Variants in PCCA observed in about 807,000 individuals in gnomAD.
PCCA encodes the protein propionyl-CoA carboxylase subunit alpha, also known as propionyl-CoA carboxylase alpha chain, mitochondrial.
A neutral mutation model predicts 101.3 loss-of-function variants in PCCA; 74 were observed. The ratio of observed to expected loss-of-function variants is 0.73; its 90% CI spans 0.61 to 0.89. The LOEUF (loss-of-function observed/expected upper bound fraction) is 0.89. Ranked by LOEUF, PCCA falls within the 40% of genes least tolerant of loss-of-function variation. The pLI, the probability that PCCA is intolerant of heterozygous loss-of-function variation, is 0.00. For missense variants in PCCA, 891 were observed against 907.0 expected (o/e 0.98, Z 0.23); for synonymous variants, 294 against 313.6 (o/e 0.94, Z 0.66).
intron 4 of PCCA, among the ~76,000 whole-genome samples, chr13:100,123,368 T>C (rs538231207): frequency 6.6e-6 from 1 of 152,290 alleles, no homozygotes; most frequent in African/African-American, 2.4e-5. Context: ...AATAACTCTT[T>C]AGAAACAGAA....
At chr13:100,526,508 C>CG (rs535924056) in intron 22 of PCCA, among the ~76,000 whole-genome samples, 5 of 152,162 alleles carry the variant, frequency 3.3e-5, no homozygotes, top group African/African-American at 4.8e-5. Flanking sequence ...TTGCGCCACA[C>CG]GGGGGGGCCA....
At chr13:100,498,263 T>G (rs1329046898) in intron 21 of PCCA, among the ~76,000 whole-genome samples, 2 of 152,032 alleles carry the variant, frequency 1.3e-5, no homozygotes, top group Non-Finnish European at 2.9e-5. Flanking sequence ...TTACCGATTT[T>G]TTTTTATTTT....
intron 22 of PCCA, among the ~76,000 whole-genome samples, chr13:100,520,852 C>T (rs951478700): frequency 6.6e-6 from 1 of 152,044 alleles, no homozygotes; most frequent in Non-Finnish European, 1.5e-5. Flanking sequence ...CCAAGCTTGG[C>T]GTTTGATTTT....
intron 4 of PCCA, among the ~76,000 whole-genome samples, chr13:100,136,375 G>A (rs916650015): frequency 6.6e-6 from 1 of 151,670 alleles, no homozygotes; most frequent in African/African-American, 2.4e-5. Context: ...TAGTAGAGGT[G>A]GGGTTTCTCC....
chr13:100,290,090 A>G (rs1397015942), intron 12 of PCCA, among the ~76,000 whole-genome samples: 1 of 152,232 alleles, frequency 6.6e-6, no homozygotes, highest in Non-Finnish European at 1.5e-5. Flanking sequence ...TTTCAGGAGC[A>G]TATGAATTTC....
chr13:100,349,065 C>T (rs1453286550), intron 18 of PCCA, among the ~76,000 whole-genome samples: 1 of 152,114 alleles, frequency 6.6e-6, no homozygotes, highest in Non-Finnish European at 1.5e-5. Flanking sequence ...GCCTCAGCCT[C>T]CCAAGTAGCT....
chr13:100,474,445 T>C (rs1167173320), intron 21 of PCCA, among the ~76,000 whole-genome samples: 1 of 66,768 alleles, frequency 1.5e-5, no homozygotes, highest in African/African-American at 5.1e-5. Flanking sequence ...ACTGTTTCTC[T>C]CTCTCTCTCT....
At chr13:100,288,516 C>G (rs1379692910) in intron 12 of PCCA, among the ~76,000 whole-genome samples, 1 of 152,194 alleles carries the variant, frequency 6.6e-6, no homozygotes, top group South Asian at 2.1e-4. Context: ...AGGCTAGTCT[C>G]TAACTCTTGG....
At chr13:100,222,641 G>GT (rs2059891742) in intron 7 of PCCA, among the ~76,000 whole-genome samples, 1 of 152,150 alleles carries the variant, frequency 6.6e-6, no homozygotes, top group African/African-American at 2.4e-5. Context: ...TTTAGCAACA[G>GT]TTTTTCATTG....
chr13:100,102,590 G>T (rs2047373429), intron 1 of PCCA, among the ~76,000 whole-genome samples: 1 of 152,140 alleles, frequency 6.6e-6, no homozygotes, highest in Non-Finnish European at 1.5e-5. Context: ...TTCTGACCCT[G>T]CTCTATCCTT....
chr13:100,283,342 T>A (rs1249155673), intron 12 of PCCA, among the ~76,000 whole-genome samples: 2 of 152,032 alleles, frequency 1.3e-5, no homozygotes, highest in East Asian at 3.9e-4. Flanking sequence ...TTGACTCAGA[T>A]CATGGGGACT....
In PCCA at chr13:100,512,637, G is replaced by A. The variant is rs996486167; in HGVS notation, c.1900-2790G>A. Among the ~76,000 whole-genome samples the A allele has an allele frequency of 3.9e-5, 6 of 152,228 alleles. No individual in the cohort carries two copies. The East Asian group carries it at 1.2e-3, about 29-fold the overall frequency. ...CCACAGGCAGCTGCCTGTCACCCAC[G>A]CTGGCATGTTCCCTCATCCTACCCA... On this transcript the variant is annotated intron_variant, in intron 21 of 23. Transcript: ENST00000376285.
chr13:100,330,630 G>T lies in PCCA; in HGVS notation c.1499G>T (p.Ser500Ile), dbSNP rs772196822. 2 of 1,612,184 alleles carry T rather than the reference G, an allele frequency of 1.2e-6. No individual in the cohort carries two copies. Among genetic ancestry groups the T allele is most frequent in the South Asian group, 2.2e-5 (2 of 91,050 alleles). Residue 500 changes from serine (S) to isoleucine (I), a missense_variant, in exon 17 of 24, where the codon AGC (serine) becomes ATC (isoleucine). By Grantham distance (142) the Ser-to-Ile change is moderately radical. Coordinates refer to ENST00000376285, the MANE Select transcript of PCCA (RefSeq NM_000282.4). ...INSRFVKGDI[S>I]TKFLSDVYPD... The stretch of plus-strand genomic sequence containing the variant: ...TCACGCTTTGTAAAAGGAGACATCA[G>T]CACTAAATTTCTCTCCGATGTGTAT...
chr13:100,506,184 C>T (rs1431032089), intron 21 of PCCA, among the ~76,000 whole-genome samples: 2 of 152,038 alleles, frequency 1.3e-5, no homozygotes, highest in Non-Finnish European at 2.9e-5. Flanking sequence ...CCCTGTCTCC[C>T]GATTTCTCCC....
chr13:100,427,369 A>G (rs1308594004), intron 20 of PCCA, among the ~76,000 whole-genome samples: 2 of 152,270 alleles, frequency 1.3e-5, no homozygotes, highest in Non-Finnish European at 2.9e-5. Flanking sequence ...AGAAAGAGGT[A>G]CAAACTCCTA....
chr13:100,441,326 C>T (rs1265527232), intron 20 of PCCA, among the ~76,000 whole-genome samples: 1 of 152,126 alleles, frequency 6.6e-6, no homozygotes, highest in East Asian at 1.9e-4. Flanking sequence ...AACATATTAC[C>T]AAGTTGGAAA....
intron 7 of PCCA, among the ~76,000 whole-genome samples, chr13:100,213,934 T>C (rs112224055): frequency 3.3e-5 from 5 of 152,346 alleles, no homozygotes; most frequent in African/African-American, 1.2e-4. Context: ...GGTCTAGTTT[T>C]GTTCTTCTGC....
intron 9 of PCCA, among the ~76,000 whole-genome samples, chr13:100,260,553 C>A (rs565253601): frequency 4.6e-5 from 7 of 151,932 alleles, no homozygotes; most frequent in African/African-American, 1.7e-4. Context: ...CACACTGCCA[C>A]GCCTGGCTAA....
chr13:100,173,497 G>A lies in PCCA; in HGVS notation c.468+16157G>A, dbSNP rs185430614. On this transcript the variant is annotated intron_variant, in intron 6 of 23. Transcript: ENST00000376285. Reference sequence around the variant, plus strand: ...CTCTCAGGTGCCAGAAAGCAACTTGGTAATGGAGAAATACATATCCTAGAG... The same window carrying A: ...CTCTCAGGTGCCAGAAAGCAACTTGATAATGGAGAAATACATATCCTAGAG... 2.6e-3 allele frequency among the ~76,000 whole-genome samples: 400 copies of A among 152,272 alleles called. 2 individuals carry two copies. The highest frequency in any genetic ancestry group is 5.4e-3 in the Admixed American group (83 of 15,294).
Sources: gnomAD v4.1 joint callset for allele counts (sites outside exome capture counted in the v4.1 genomes callset) on GRCh38, gnomAD v4.1.1 for gene constraint, MANE v1.5 for transcripts, NCBI Gene and HGNC (gene_info 2026-07-23, HGNC 2026-07-21) for gene names.